BCAS2: variants seen among roughly 807,000 people sequenced by gnomAD.
The protein encoded by BCAS2 is BCAS2 pre-mRNA processing factor, also known as pre-mRNA-splicing factor SPF27.
Under a neutral mutation model 35.3 loss-of-function variants are expected in BCAS2, and 34 were observed. The observed-to-expected ratio is 0.96, with a 90% CI of 0.73 to 1.28. The LOEUF (loss-of-function observed/expected upper bound fraction) is 1.28. Among genes scored for constraint, BCAS2 ranks in the 50% most tolerant of loss-of-function variants. BCAS2 has a pLI of 0.00. For synonymous variants in BCAS2, 75 were observed against 91.6 expected (o/e 0.82, Z 1.03); for missense variants, 221 against 268.1 (o/e 0.82, Z 1.23).
At chr1:114,575,214 G>A (rs1654734413) in intron 4 of BCAS2, among the ~76,000 whole-genome samples, 1 of 127,418 alleles carries the variant, frequency 7.8e-6, no homozygotes, top group Non-Finnish European at 1.6e-5. Context: ...TTGAGATAGA[G>A]TCTCATTCTG....
chr1:114,577,066 T>C (rs968075043), intron 2 of BCAS2, among the ~76,000 whole-genome samples: 1 of 152,198 alleles, frequency 6.6e-6, no homozygotes, highest in Non-Finnish European at 1.5e-5. Flanking sequence ...TTTGAATGTT[T>C]GTCCCCTCTG....
At chr1:114,576,237 CTCTCTCTCTCTA>C (rs924759310) in intron 3 of BCAS2, among the ~76,000 whole-genome samples, 2 of 145,746 alleles carry the variant, frequency 1.4e-5, no homozygotes, top group Non-Finnish European at 3.0e-5. Context: ...CTCTCTCTCT[CTCTCTCTCTCTA>C]TATATATATA....
At chr1:114,576,247 C>CTCTATATATA (rs1423198106) in intron 3 of BCAS2, among the ~76,000 whole-genome samples, 2 of 131,652 alleles carry the variant, frequency 1.5e-5, no homozygotes, top group African/African-American at 5.8e-5. Context: ...CTCTCTCTCT[C>CTCTATATATA]TATATATATA....
At chr1:114,577,316 G>A (rs1331676917) in intron 2 of BCAS2, among the ~76,000 whole-genome samples, 3 of 152,154 alleles carry the variant, frequency 2.0e-5, no homozygotes. Context: ...ACCAGATGCA[G>A]CCTGTGAACC....
chr1:114,578,335 CA>C (rs74817162), intron 2 of BCAS2, among the ~76,000 whole-genome samples: 35 of 143,672 alleles, frequency 2.4e-4, no homozygotes, highest in Admixed American at 4.2e-4. Flanking sequence ...TAGTTTCCTG[CA>C]AAAAAAAAAA....
At position 114,567,989 on chromosome 1, in the gene BCAS2, C is replaced by G. The variant is rs1162868068; in HGVS notation, c.*141G>C. On this transcript the variant is annotated 3_prime_UTR_variant, in exon 7 of 7. Transcript: ENST00000369541. ...TTGAGATATACAAATAGAATTACCA[C>G]AGCAGCCTACACCTTCTATGATTTC... 1.8e-6 allele frequency: 2 copies of G among 1,107,472 alleles called. No homozygotes were observed. Among genetic ancestry groups the G allele is most frequent in the Middle Eastern group, 3.2e-4 (1 of 3,138 alleles). The allele number at this position is 1,107,472 out of a possible 1,614,324, so 68.6% of individuals were successfully genotyped here.
chr1:114,576,508 A>C (rs1263898261), intron 3 of BCAS2, among the ~76,000 whole-genome samples, 180 bp downstream of exon 3: 2 of 150,926 alleles, frequency 1.3e-5, no homozygotes, highest in East Asian at 3.9e-4. Flanking sequence ...GGCTGGTCTC[A>C]AACTCCTGGA....
chr1:114,571,909 A>G (rs1654656342), intron 4 of BCAS2, among the ~76,000 whole-genome samples: 6 of 152,260 alleles, frequency 3.9e-5, no homozygotes, highest in Admixed American at 2.6e-4. Context: ...AGTCCAGGTC[A>G]GCTGTAACTA....
chr1:114,580,424 A>C (rs1164050315), intron 2 of BCAS2, among the ~76,000 whole-genome samples: 1 of 152,216 alleles, frequency 6.6e-6, no homozygotes, highest in African/African-American at 2.4e-5. Flanking sequence ...TATCATACTC[A>C]ATGTGTGGAG....
At chr1:114,576,998 C>T (rs544065031) in intron 2 of BCAS2, among the ~76,000 whole-genome samples, 1 of 152,240 alleles carries the variant, frequency 6.6e-6, no homozygotes, top group East Asian at 1.9e-4. Context: ...AGGATTAATC[C>T]TAAACCAGTG....
At chr1:114,576,892 T>C in intron 2 of BCAS2, 134 bp from the exon 3 acceptor site, 2 of 620,624 alleles carry the variant, frequency 3.2e-6, no homozygotes, top group Non-Finnish European at 5.6e-6. Flanking sequence ...TTCTCTGAGT[T>C]AAATGCTCTC....
intron 4 of BCAS2, among the ~76,000 whole-genome samples, chr1:114,575,036 CT>C (rs546575497): frequency 2.1e-3 from 292 of 140,146 alleles, no homozygotes; most frequent in Middle Eastern, 3.7e-3. Flanking sequence ...GCCGGCTAAT[CT>C]TTTTTTTTTT....
chr1:114,575,840 A>G, intron 3 of BCAS2, 89 bp from the exon 4 acceptor site: 1 of 1,408,132 alleles, frequency 7.1e-7, no homozygotes, highest in African/African-American at 1.5e-5. Context: ...GAGTCTCCAT[A>G]TAGTATAAAA....
intron 4 of BCAS2, among the ~76,000 whole-genome samples, chr1:114,571,636 G>T (rs755163503): frequency 4.6e-5 from 7 of 152,184 alleles, no homozygotes; most frequent in Non-Finnish European, 8.8e-5. Flanking sequence ...GGAATTACAT[G>T]TGTGAGCCAC....
At chr1:114,573,197 A>G (rs1329375394) in intron 4 of BCAS2, among the ~76,000 whole-genome samples, 1 of 146,206 alleles carries the variant, frequency 6.8e-6, no homozygotes, top group Non-Finnish European at 1.5e-5. Flanking sequence ...AAAGGTTTTC[A>G]GGTAAGTTGA....
In BCAS2 at chr1:114,575,650, C is replaced by A. The variant is rs1469265744; in HGVS notation, c.359G>T (p.Arg120Ile). Reference sequence around the variant, plus strand: ...TGACATTAGTTCCAGATTCTCAATTCTAACTGCTTGATGCTCTAACTGGGC... The same window carrying A: ...TGACATTAGTTCCAGATTCTCAATTATAACTGCTTGATGCTCTAACTGGGC... ...SMAQLEHQAV[R>I]IENLELMSQH... Residue 120 changes from arginine (R) to isoleucine (I), a missense_variant, in exon 4 of 7, where the codon AGA (arginine) becomes ATA (isoleucine). Arg to Ile is a moderately conservative substitution (Grantham distance 97, BLOSUM62 -3). Transcript: ENST00000369541. 1 of 1,612,694 alleles carries A rather than the reference C, an allele frequency of 6.2e-7. No homozygotes were observed. The highest frequency in any genetic ancestry group is 1.7e-5 in the Admixed American group (1 of 59,946).
At chr1:114,579,877 A>T (rs115797433) in intron 2 of BCAS2, among the ~76,000 whole-genome samples, 3,969 of 152,192 alleles carry the variant, frequency 0.026, 190 homozygotes, top group African/African-American at 0.09. Flanking sequence ...AACAAAAACA[A>T]CAACAAACTT....
intron 4 of BCAS2, among the ~76,000 whole-genome samples, chr1:114,573,148 A>C (rs1464994841): frequency 5.1e-5 from 7 of 136,258 alleles, no homozygotes; most frequent in Admixed American, 3.2e-4. Context: ...AAAAAAAAAA[A>C]AAACTTGGCC....
At chr1:114,577,099 C>T (rs1489183032) in intron 2 of BCAS2, among the ~76,000 whole-genome samples, 2 of 152,140 alleles carry the variant, frequency 1.3e-5, no homozygotes, top group Non-Finnish European at 2.9e-5. Context: ...AAACTTAATC[C>T]CCAATGTAAT....
Sources: allele counts gnomAD v4.1 joint callset (sites outside exome capture counted in the v4.1 genomes callset), GRCh38; gene constraint gnomAD v4.1.1; transcripts MANE v1.5; gene names NCBI Gene and HGNC (gene_info 2026-07-23, HGNC 2026-07-21).